NCEH1: variants seen among roughly 807,000 people sequenced by gnomAD.
NCEH1 encodes 2-acetyl MAGE hydrolase.
In NCEH1, 9 loss-of-function variants were observed where a neutral mutation model predicts 25.4. The observed-to-expected ratio is 0.35, with a 90% confidence interval of 0.21 to 0.62. The LOEUF (loss-of-function observed/expected upper bound fraction) is 0.62, where lower values mean the gene tolerates loss of function less well. NCEH1 is among the 20% of genes least tolerant of loss of function. NCEH1 has a pLI of 0.72. For synonymous variants in NCEH1, 200 were observed against 199.8 expected, an observed-to-expected ratio of 1.00 and a Z score of -0.01; for missense variants, 412 against 501.1, an observed-to-expected ratio of 0.82 and a Z score of 1.70.
Position 172,633,481 on chromosome 3 carries a change from G to A in NCEH1, c.1221C>T (p.Asn407=). ...RNSYIKWLDQ[N]L The stretch of plus-strand genomic sequence containing the variant: ...TTCTGGAAGTTTTGCTCCTTTACAG[G>A]TTTTGATCTAGCCACTTGATGTAAC... Residue 407 remains asparagine, a synonymous_variant, in exon 5 of 5, where the codon AAC becomes AAT. Coordinates refer to ENST00000475381, the MANE Select transcript of NCEH1 (RefSeq NM_020792.6). The A allele has an allele frequency of 6.2e-7, 1 of 1,613,356 alleles. No homozygotes were observed. Among genetic ancestry groups the A allele is most frequent in the Non-Finnish European group, 8.5e-7 (1 of 1,179,560 alleles).
intron 1 of NCEH1, among the ~76,000 whole-genome samples, chr3:172,687,267 C>A (rs962234694): frequency 6.6e-6 from 1 of 152,148 alleles, no homozygotes; most frequent in Non-Finnish European, 1.5e-5. Context: ...TCAATCTGAA[C>A]CTTTGTAATA....
intron 1 of NCEH1, among the ~76,000 whole-genome samples, chr3:172,675,727 TTC>T (rs1291088806): frequency 6.6e-6 from 1 of 152,172 alleles, no homozygotes; most frequent in Non-Finnish European, 1.5e-5. Flanking sequence ...ATGCATGCTG[TTC>T]TCAAGGAAAA....
intron 1 of NCEH1, among the ~76,000 whole-genome samples, chr3:172,656,554 C>G (rs1717704313): frequency 6.6e-6 from 1 of 152,092 alleles, no homozygotes; most frequent in South Asian, 2.1e-4. Flanking sequence ...ATCATGAGGT[C>G]AGGAGATCAA....
intron 1 of NCEH1, among the ~76,000 whole-genome samples, chr3:172,659,999 ATACTTT>A (rs1054934686): frequency 2.8e-5 from 4 of 142,968 alleles, no homozygotes; most frequent in African/African-American, 1.0e-4. Context: ...TTTTTTTTTT[ATACTTT>A]AAGTTCTAGG....
At chr3:172,705,725 G>A (rs139106029) in intron 1 of NCEH1, among the ~76,000 whole-genome samples, 105 of 152,216 alleles carry the variant, frequency 6.9e-4, no homozygotes, top group Non-Finnish European at 1.1e-3. Flanking sequence ...GGCTGGGCAC[G>A]GTGGCTCACG....
intron 3 of NCEH1, among the ~76,000 whole-genome samples, chr3:172,644,199 TTGAGTGACTCTA>T (rs1717003402): frequency 6.7e-6 from 1 of 149,536 alleles, no homozygotes; most frequent in Non-Finnish European, 1.5e-5. Context: ...TCTAGGGCTT[TTGAGTGACTCTA>T]GGGCTTTTGA....
intron 1 of NCEH1, among the ~76,000 whole-genome samples, chr3:172,656,208 TAAGG>T (rs556491287): frequency 5.5e-4 from 83 of 152,262 alleles, no homozygotes; most frequent in African/African-American, 1.9e-3. Context: ...TTTGTAGACA[TAAGG>T]AAGGCACTAG....
chr3:172,630,538 C>G lies in NCEH1; in HGVS notation c.*2937G>C, dbSNP rs59723979. 6.6e-6 allele frequency: 1 copy of G among 152,186 alleles called. No individual in the cohort carries two copies. The highest frequency in any genetic ancestry group is 1.5e-5 in the Non-Finnish European group (1 of 68,060). 9.4% of individuals were successfully genotyped at this position (152,186 alleles called of 1,614,324 possible). ...CTAAAGGAAAGACAGCTGGAGTACT[C>G]CACTGGGCAGAAGATTGGGAAAGAA... On this transcript the variant is annotated 3_prime_UTR_variant, in exon 5 of 5. Coordinates refer to ENST00000475381, the MANE Select transcript of NCEH1 (RefSeq NM_020792.6).
Position 172,659,113 on chromosome 3 carries a change from C to T in NCEH1, c.139-10999G>A, listed in dbSNP as rs1050137482. Among the ~76,000 whole-genome samples, 11 of 152,112 alleles carry T rather than the reference C, an allele frequency of 7.2e-5. No individual in the cohort carries two copies. In the Middle Eastern group the frequency reaches 0.01, roughly 142 times the overall value. On this transcript the variant is annotated intron_variant, in intron 1 of 4. Transcript: ENST00000475381. ...AACCCAAGCATTCTGGCTCCAAAAC[C>T]CTCAACCATCACCCTCTATTGCCAT... is the stretch of plus-strand genomic sequence containing the variant.
At chr3:172,706,910 T>C (rs1025310117) in intron 1 of NCEH1, among the ~76,000 whole-genome samples, 1 of 152,222 alleles carries the variant, frequency 6.6e-6, no homozygotes, top group Non-Finnish European at 1.5e-5. Context: ...AGTTTTTGTT[T>C]TTTTTCTTTG....
intron 3 of NCEH1, among the ~76,000 whole-genome samples, chr3:172,638,028 C>CAAGAA (rs1179587232): frequency 6.6e-6 from 1 of 152,132 alleles, no homozygotes; most frequent in Non-Finnish European, 1.5e-5. Context: ...GGCGAAAGAG[C>CAAGAA]AAGACCCTGT....
At chr3:172,688,651 A>C (rs1712844646) in intron 1 of NCEH1, among the ~76,000 whole-genome samples, 2 of 152,348 alleles carry the variant, frequency 1.3e-5, no homozygotes, top group South Asian at 4.1e-4. Context: ...TATGAAAGAA[A>C]GTCCAAGTGG....
At chr3:172,709,284 C>T (rs1015188975) in intron 1 of NCEH1, among the ~76,000 whole-genome samples, 1 of 152,234 alleles carries the variant, frequency 6.6e-6, no homozygotes, top group Non-Finnish European at 1.5e-5. Flanking sequence ...GCCAACACAG[C>T]AGTTTGATCT....
chr3:172,666,164 C>G (rs1176114086), intron 1 of NCEH1, among the ~76,000 whole-genome samples: 1 of 152,212 alleles, frequency 6.6e-6, no homozygotes, highest in Non-Finnish European at 1.5e-5. Flanking sequence ...GTCTGGCAAG[C>G]TTTGATATGC....
intron 1 of NCEH1, among the ~76,000 whole-genome samples, chr3:172,655,877 G>A (rs1717669268): frequency 6.6e-6 from 1 of 152,094 alleles, no homozygotes. Flanking sequence ...TGGTGAGCAG[G>A]ACAGGAAAAA....
chr3:172,640,272 G>A (rs1328313117), intron 3 of NCEH1, among the ~76,000 whole-genome samples: 2 of 152,136 alleles, frequency 1.3e-5, no homozygotes, highest in Non-Finnish European at 2.9e-5. Flanking sequence ...AATCTCAATA[G>A]ATTCATTTTG....
At position 172,633,721 on chromosome 3, in the gene NCEH1, G is replaced by A. The variant is rs761823882; in HGVS notation, c.981C>T (p.Leu327=). Residue 327 remains leucine (L), a synonymous_variant, in exon 5 of 5, where the codon CTC becomes CTT. Transcript: ENST00000475381. ...PQLLDARSAP[L]IADQAVLQLL... ...GCTGCAGCACTGCCTGGTCTGCAAT[G>A]AGTGGGGCGGAGCGGGCATCCAGCA... is the stretch of plus-strand genomic sequence containing the variant. 4 of 1,614,112 alleles carry A rather than the reference G, an allele frequency of 2.5e-6. No individual in the cohort carries two copies. The highest frequency in any genetic ancestry group is 3.4e-6 in the Non-Finnish European group (4 of 1,180,042).
intron 1 of NCEH1, among the ~76,000 whole-genome samples, chr3:172,684,431 CAA>C (rs1165546780): frequency 6.6e-6 from 1 of 152,018 alleles, no homozygotes; most frequent in Non-Finnish European, 1.5e-5. Flanking sequence ...AGACTGCAAA[CAA>C]AAATTGGAAA....
At chr3:172,649,195 T>C (rs1717275254) in intron 1 of NCEH1, among the ~76,000 whole-genome samples, 1 of 152,138 alleles carries the variant, frequency 6.6e-6, no homozygotes, top group South Asian at 2.1e-4. Flanking sequence ...GTGTCCCATA[T>C]AAACATTATA....
Sources: gnomAD v4.1 joint callset for allele counts (sites outside exome capture counted in the v4.1 genomes callset) on GRCh38, gnomAD v4.1.1 for gene constraint, MANE v1.5 for transcripts, NCBI Gene and HGNC (gene_info 2026-07-23, HGNC 2026-07-21) for gene names.